The following FAM227B variants were observed in gnomAD, a reference collection of about 807,000 sequenced individuals.
FAM227B encodes protein FAM227B.
In FAM227B, 88 loss-of-function variants were observed where a neutral mutation model predicts 73.8. The ratio of observed to expected loss-of-function variants is 1.19; its 90% confidence interval spans 1.00 to 1.42. The LOEUF is 1.42. Ranked by LOEUF, FAM227B falls within the 40% of genes most tolerant of loss-of-function variation. FAM227B has a pLI of 0.00. For missense variants in FAM227B, 632 were observed against 590.9 expected (o/e 1.07, Z -0.72); for synonymous variants, 210 against 190.5 (o/e 1.10, Z -0.84).
intron 11 of FAM227B, among the ~76,000 whole-genome samples, chr15:49,505,733 A>G (rs981660824): frequency 1.3e-5 from 2 of 152,066 alleles, no homozygotes; most frequent in African/African-American, 4.8e-5. Flanking sequence ...CAGGGAAAAC[A>G]AAGAACAGAT....
intron 10 of FAM227B, among the ~76,000 whole-genome samples, chr15:49,531,102 TTAAA>T (rs1395678467): frequency 1.4e-5 from 1 of 71,960 alleles, no homozygotes; most frequent in Non-Finnish European, 2.6e-5. Context: ...AAACTAATAA[TTAAA>T]TTATAAACAT....
In FAM227B at chr15:49,390,541, C is replaced by G. The variant is rs548199195; in HGVS notation, c.1013-19142G>C. ...ACTCTGCCTTGACAGACAGAATGCTCAGAGCCAATCTAATTCATGGGCCAA... is the reference window on the plus strand; with the variant it reads ...ACTCTGCCTTGACAGACAGAATGCTGAGAGCCAATCTAATTCATGGGCCAA... On this transcript the variant is annotated intron_variant, in intron 11 of 15. Transcript: ENST00000299338. 1.4e-4 allele frequency among the ~76,000 whole-genome samples: 21 copies of G among 152,142 alleles called. No homozygotes were observed. The South Asian group carries it at 2.5e-3, about 18-fold the overall frequency.
At chr15:49,369,765 C>T (rs2045680760) in intron 12 of FAM227B, among the ~76,000 whole-genome samples, 3 of 152,132 alleles carry the variant, frequency 2.0e-5, no homozygotes, top group Non-Finnish European at 4.4e-5. Context: ...ATTGGCAAAA[C>T]TTATACTTTT....
At position 49,589,892 on chromosome 15, in the gene FAM227B, A is replaced by T; in HGVS notation, c.221T>A (p.Val74Asp). Residue 74 changes from valine to aspartate, a missense_variant, in exon 4 of 16, where the codon GTT (valine) becomes GAT (aspartate). Physicochemically the swap from Val to Asp is radical, Grantham distance 152 (BLOSUM62 -3). Transcript: ENST00000299338. Reference sequence around the variant, plus strand: ...CAAAAGTGCTTCAAATATTCGAGGAACATTTTCCCATAGGTGTGTATAAAT... The same window carrying T: ...CAAAAGTGCTTCAAATATTCGAGGATCATTTTCCCATAGGTGTGTATAAAT... The part of the protein sequence containing the change: ...VSIYTHLWEN[V>D]PRIFEALLIM... 3 of 1,599,430 alleles carry T rather than the reference A, an allele frequency of 1.9e-6. No individual in the cohort carries two copies. The highest frequency in any genetic ancestry group is 2.6e-6 in the Non-Finnish European group (3 of 1,166,688).
At position 49,499,027 on chromosome 15, in the gene FAM227B, G is replaced by A. The variant is rs974925392; in HGVS notation, c.1012+9184C>T. 2.4e-3 allele frequency among the ~76,000 whole-genome samples: 359 copies of A among 150,260 alleles called. 1 individual carries two copies. Among genetic ancestry groups the A allele is most frequent in the African/African-American group, 8.3e-3 (343 of 41,212 alleles). On this transcript the variant is annotated intron_variant, in intron 11 of 15. Transcript: ENST00000299338. ...TAAAAATACAAAAAATTAGCCGGGC[G>A]TAGTGGCGGGCGCCTGTAGTCCCAG...
intron 9 of FAM227B, among the ~76,000 whole-genome samples, chr15:49,566,224 T>C (rs1472700357): frequency 6.6e-6 from 1 of 152,166 alleles, no homozygotes; most frequent in Non-Finnish European, 1.5e-5. Context: ...GGAAAAACTC[T>C]ATAATATGTT....
chr15:49,512,943 G>A lies in FAM227B; in HGVS notation c.875-4595C>T, dbSNP rs183479798. On this transcript the variant is annotated intron_variant, in intron 10 of 15. Transcript: ENST00000299338. ...AGAGGGCATGATCTGATTCTTTTTC[G>A]TGGCTGCATAGTATTCCATGGTGTA... Among the ~76,000 whole-genome samples the A allele has an allele frequency of 5.9e-5, 9 of 152,060 alleles. No individual in the cohort carries two copies. The South Asian group carries it at 6.2e-4, about 11-fold the overall frequency.
Position 49,617,627 on chromosome 15 carries a change from TA to T in FAM227B, c.-72-2385del, listed in dbSNP as rs61396000. 9.6e-4 allele frequency among the ~76,000 whole-genome samples: 146 copies of T among 151,678 alleles called. 5 individuals are homozygous for T. The South Asian group carries it at 0.027, about 28-fold the overall frequency. On this transcript the variant is annotated intron_variant, in intron 1 of 15. Transcript: ENST00000299338. Reference sequence around the variant, plus strand: ...GGCATTTTTCAGATTTGCAAGATACTAAAAAAAAATTCATCTCATATTAGTT... The same window carrying T: ...GGCATTTTTCAGATTTGCAAGATACTAAAAAAAATTCATCTCATATTAGTT...
At chr15:49,574,173 G>A (rs923363832) in intron 8 of FAM227B, among the ~76,000 whole-genome samples, 4 of 151,930 alleles carry the variant, frequency 2.6e-5, no homozygotes, top group African/African-American at 7.3e-5. Flanking sequence ...TGTAGTTAAG[G>A]TCCCAAGAGC....
chr15:49,458,034 T>A (rs1302765826), intron 11 of FAM227B, among the ~76,000 whole-genome samples: 1 of 151,992 alleles, frequency 6.6e-6, no homozygotes, highest in Non-Finnish European at 1.5e-5. Context: ...ATAGCAAGAT[T>A]GTTGTTGGGG....
intron 5 of FAM227B, among the ~76,000 whole-genome samples, chr15:49,583,860 T>C (rs2075978036): frequency 6.6e-6 from 1 of 152,004 alleles, no homozygotes; most frequent in African/African-American, 2.4e-5. Flanking sequence ...TGAAATTGAA[T>C]CAGTAATAAA....
chr15:49,357,300 G>T (rs1409725259), intron 13 of FAM227B, among the ~76,000 whole-genome samples: 3 of 150,618 alleles, frequency 2.0e-5, no homozygotes, highest in Non-Finnish European at 3.0e-5. Context: ...CCAGGAGCTG[G>T]TTTTTTGAAA....
At chr15:49,432,802 C>T (rs1225818665) in intron 11 of FAM227B, among the ~76,000 whole-genome samples, 1 of 151,386 alleles carries the variant, frequency 6.6e-6, no homozygotes, top group Non-Finnish European at 1.5e-5. Context: ...GGGATTTAAG[C>T]CTAATTTAAA....
At chr15:49,364,014 C>T (rs560581517) in intron 13 of FAM227B, among the ~76,000 whole-genome samples, 8 of 151,970 alleles carry the variant, frequency 5.3e-5, no homozygotes, top group Admixed American at 1.3e-4. Flanking sequence ...GGATTCCGTT[C>T]GCTAGTATTT....
intron 11 of FAM227B, among the ~76,000 whole-genome samples, chr15:49,473,956 GT>G (rs1203835801): frequency 6.6e-6 from 1 of 152,162 alleles, no homozygotes; most frequent in East Asian, 1.9e-4. Context: ...CAGGGGAACA[GT>G]TGACATTTGC....
intron 13 of FAM227B, among the ~76,000 whole-genome samples, chr15:49,338,645 T>G (rs907455801): frequency 2.6e-5 from 4 of 152,232 alleles, no homozygotes; most frequent in Non-Finnish European, 5.9e-5. Context: ...TGGTGTTCTC[T>G]GTATTTCCTG....
chr15:49,593,242 T>C (rs1292068634), intron 3 of FAM227B, among the ~76,000 whole-genome samples: 3 of 152,136 alleles, frequency 2.0e-5, no homozygotes, highest in African/African-American at 4.8e-5. Flanking sequence ...CAGTCGGAAA[T>C]GCAGAAATCA....
intron 11 of FAM227B, among the ~76,000 whole-genome samples, chr15:49,481,371 T>C (rs1373279960): frequency 1.3e-5 from 2 of 152,232 alleles, no homozygotes; most frequent in Admixed American, 6.5e-5. Flanking sequence ...TTTAACCTAA[T>C]AGTATTCTTC....
At chr15:49,463,298 A>T (rs1277212848) in intron 11 of FAM227B, among the ~76,000 whole-genome samples, 3 of 152,218 alleles carry the variant, frequency 2.0e-5, no homozygotes, top group Non-Finnish European at 4.4e-5. Context: ...TCACACCTGT[A>T]ATCCCAGCAC....
Sources: allele counts gnomAD v4.1 joint callset (sites outside exome capture counted in the v4.1 genomes callset), GRCh38; gene constraint gnomAD v4.1.1; transcripts MANE v1.5; gene names NCBI Gene and HGNC (gene_info 2026-07-23, HGNC 2026-07-21).